Variants in COMMD1 observed in about 807,000 individuals in gnomAD.
The protein encoded by COMMD1 is COMM domain-containing protein 1.
A neutral mutation model predicts 17.2 loss-of-function variants in COMMD1; 10 were observed. The observed-to-expected ratio is 0.58, with a 90% CI of 0.36 to 0.99. COMMD1 has a LOEUF of 0.99. COMMD1 is among the 50% of genes least tolerant of loss of function. The probability of loss-of-function intolerance (pLI) is 0.01; values close to 1 mark genes in which losing one functional copy is unlikely to be tolerated. For missense variants in COMMD1, 270 were observed against 231.8 expected, an observed-to-expected ratio of 1.17 and a Z score of -1.07; for synonymous variants, 97 against 91.6, an observed-to-expected ratio of 1.06 and a Z score of -0.34.
At chr2:62,059,043 G>A (rs866838440) in intron 2 of COMMD1, among the ~76,000 whole-genome samples, 1 of 152,196 alleles carries the variant, frequency 6.6e-6, no homozygotes, top group Admixed American at 6.5e-5. Context: ...CTCCCAAAGT[G>A]TTGGGATTGC....
chr2:61,929,287 T>C (rs1670403480), intron 1 of COMMD1, among the ~76,000 whole-genome samples: 2 of 152,232 alleles, frequency 1.3e-5, no homozygotes, highest in Non-Finnish European at 2.9e-5. Flanking sequence ...ACTGTTCTTA[T>C]CTCACAAGCA....
rs1670528038 is a variant in COMMD1 at position 62,051,381 on chromosome 2, A to G, written c.462+50399A>G. Among the ~76,000 whole-genome samples, 3 of 152,196 alleles carry G rather than the reference A, an allele frequency of 2.0e-5. No individual in the cohort carries two copies. In the South Asian group the frequency reaches 6.2e-4, roughly 31 times the overall value. The stretch of plus-strand genomic sequence containing the variant: ...TGTAGAAAGCATCGTGTTTAAAGAA[A>G]AATTGTAGAGTCATTTTATAAAGTT... On this transcript the variant is annotated intron_variant, in intron 2 of 2. Transcript: ENST00000311832.
intron 2 of COMMD1, among the ~76,000 whole-genome samples, chr2:62,060,034 C>T (rs1419243772): frequency 5.3e-5 from 8 of 152,080 alleles, no homozygotes; most frequent in Non-Finnish European, 7.4e-5. Context: ...ACATTCTTAA[C>T]GTCTCACCCT....
chr2:61,966,183 T>C (rs1397939916), intron 1 of COMMD1, among the ~76,000 whole-genome samples: 2 of 152,188 alleles, frequency 1.3e-5, no homozygotes, highest in African/African-American at 4.8e-5. Flanking sequence ...TTTTTTCCCA[T>C]TTCCACCTAT....
intron 2 of COMMD1, among the ~76,000 whole-genome samples, chr2:62,097,482 G>T (rs1195236545): frequency 3.3e-5 from 5 of 152,128 alleles, no homozygotes; most frequent in Non-Finnish European, 5.9e-5. Flanking sequence ...CCAGAATCTT[G>T]ATTAACTTTC....
At chr2:62,096,860 C>T (rs1672026689) in intron 2 of COMMD1, among the ~76,000 whole-genome samples, 1 of 152,156 alleles carries the variant, frequency 6.6e-6, no homozygotes, top group Admixed American at 6.5e-5. Context: ...AGGATAAGCA[C>T]AACAATAAAT....
rs945839690 is a variant in COMMD1 at position 61,986,591 on chromosome 2, C to T, written c.181-14110C>T. On this transcript the variant is annotated intron_variant, in intron 1 of 2. Transcript: ENST00000311832. ...TTTTTTTTTTTTTTTTTTTTGGAGT[C>T]AGAGTCTTGCTCTGCTGCCCAGGCT... Among the ~76,000 whole-genome samples, 6 of 119,414 alleles carry T rather than the reference C, an allele frequency of 5.0e-5. No homozygotes were observed. In the Admixed American group the frequency reaches 5.3e-4, roughly 11 times the overall value. The allele number at this position is 119,414 out of a possible 152,430, so 78.3% of individuals were successfully genotyped here.
intron 1 of COMMD1, among the ~76,000 whole-genome samples, chr2:61,962,204 G>T (rs986673983): frequency 1.3e-5 from 2 of 152,214 alleles, no homozygotes; most frequent in Non-Finnish European, 1.5e-5. Context: ...TGGTCGGATT[G>T]CTCCTCAGAG....
At chr2:61,940,865 A>G (rs1189448128) in intron 1 of COMMD1, among the ~76,000 whole-genome samples, 2 of 148,116 alleles carry the variant, frequency 1.4e-5, no homozygotes, top group Non-Finnish European at 3.0e-5. Flanking sequence ...TTTTTTTTAT[A>G]TATTAGTAGA....
intron 1 of COMMD1, among the ~76,000 whole-genome samples, chr2:61,963,159 C>CAAAAA (rs1393298930): frequency 2.5e-5 from 3 of 119,578 alleles, no homozygotes; most frequent in Non-Finnish European, 3.5e-5. Context: ...GACCCTGTCT[C>CAAAAA]AAAAAAAAAA....
At chr2:62,132,483 C>G (rs970601971) in intron 2 of COMMD1, among the ~76,000 whole-genome samples, 5 of 152,096 alleles carry the variant, frequency 3.3e-5, no homozygotes, top group African/African-American at 1.2e-4. Flanking sequence ...TATCAATGTC[C>G]TTAATATATA....
At chr2:62,037,656 A>G (rs997601495) in intron 2 of COMMD1, among the ~76,000 whole-genome samples, 1 of 152,190 alleles carries the variant, frequency 6.6e-6, no homozygotes, top group Non-Finnish European at 1.5e-5. Flanking sequence ...GAAGTCTCAA[A>G]GCCCATCATG....
At chr2:61,992,155 A>C (rs1002138345) in intron 1 of COMMD1, among the ~76,000 whole-genome samples, 1 of 152,176 alleles carries the variant, frequency 6.6e-6, no homozygotes, top group Non-Finnish European at 1.5e-5. Context: ...ACAGCAACAA[A>C]TGCAGGTATA....
intron 1 of COMMD1, among the ~76,000 whole-genome samples, chr2:61,955,423 C>T (rs531612026): frequency 1.3e-5 from 2 of 152,126 alleles, no homozygotes; most frequent in Non-Finnish European, 2.9e-5. Flanking sequence ...CCTAGCTTGT[C>T]TTTGCATTTT....
At chr2:62,107,327 T>C (rs1672345796) in intron 2 of COMMD1, among the ~76,000 whole-genome samples, 1 of 152,190 alleles carries the variant, frequency 6.6e-6, no homozygotes, top group African/African-American at 2.4e-5. Context: ...TCTAGGAATT[T>C]TTCCTGAGAG....
chr2:62,118,011 AAGG>A (rs1308223318), intron 2 of COMMD1, among the ~76,000 whole-genome samples: 2 of 152,188 alleles, frequency 1.3e-5, no homozygotes, highest in African/African-American at 2.4e-5. Context: ...GCGTTTTGTA[AAGG>A]ACGGAACTTT....
intron 1 of COMMD1, chr2:61,969,195 T>C (rs536887653): frequency 2.1e-4 from 36 of 174,846 alleles, no homozygotes; most frequent in South Asian, 1.1e-3. Flanking sequence ...AAAATACTTA[T>C]TTACCTAAAC....
rs979523661 is a variant in COMMD1, at chr2:62,125,923, C to G, written c.463-9908C>G. Among the ~76,000 whole-genome samples the G allele has an allele frequency of 2.6e-5, 4 of 152,128 alleles. No homozygotes were observed. The South Asian group carries it at 8.3e-4, about 32-fold the overall frequency. On this transcript the variant is annotated intron_variant, in intron 2 of 2. Transcript: ENST00000311832. ...ATTTTTCCTAATGCTCTCCTTCCCC[C>G]CACTTCACCCCCGACAGGCCCCAGT...
At chr2:62,127,850 C>A (rs1672924766) in intron 2 of COMMD1, among the ~76,000 whole-genome samples, 1 of 151,590 alleles carries the variant, frequency 6.6e-6, no homozygotes, top group African/African-American at 2.4e-5. Context: ...ATGGTGAAAC[C>A]CCATCACTAC....
Sources: allele counts gnomAD v4.1 joint callset (sites outside exome capture counted in the v4.1 genomes callset), GRCh38; gene constraint gnomAD v4.1.1; transcripts MANE v1.5; gene names NCBI Gene and HGNC (gene_info 2026-07-23, HGNC 2026-07-21).